The following WARS2 variants were observed in gnomAD, a reference collection of about 807,000 sequenced individuals.
WARS2 encodes tryptophan--tRNA ligase, mitochondrial.
A neutral mutation model predicts 36.5 loss-of-function variants in WARS2; 28 were observed. That is an observed-to-expected ratio of 0.77 (90% CI 0.57 to 1.05). The LOEUF is 1.05. WARS2 is among the 50% of genes least tolerant of loss of function. WARS2 has a pLI of 0.00. For synonymous variants in WARS2, 174 were observed against 178.4 expected (o/e 0.98, Z 0.20); for missense variants, 435 against 456.8 (o/e 0.95, Z 0.44).
At chr1:119,084,502 C>A (rs12064114) in intron 1 of WARS2, among the ~76,000 whole-genome samples, 3,253 of 151,990 alleles carry the variant, frequency 0.021, 102 homozygotes, top group African/African-American at 0.071. Context: ...TGGAAAGAGG[C>A]CAATCAAACA....
intron 1 of WARS2, among the ~76,000 whole-genome samples, chr1:119,111,073 T>A (rs1654598058): frequency 6.6e-6 from 1 of 152,188 alleles, no homozygotes; most frequent in African/African-American, 2.4e-5. Context: ...CTTAACATAT[T>A]AATCATAGTC....
Position 119,057,064 on chromosome 1 carries a change from A to G in WARS2, c.349-11402T>C, listed in dbSNP as rs181384149. ...CAGTATCTTTAAGTTTGGTCATCCAAGTGGGTGAACTGGTATCTTACTATG... is the reference window on the plus strand; with the variant it reads ...CAGTATCTTTAAGTTTGGTCATCCAGGTGGGTGAACTGGTATCTTACTATG... On this transcript the variant is annotated intron_variant, in intron 2 of 5. Coordinates refer to ENST00000235521, the MANE Select transcript of WARS2 (RefSeq NM_015836.4). 2.2e-4 allele frequency among the ~76,000 whole-genome samples: 34 copies of G among 152,296 alleles called. No homozygotes were observed. In the East Asian group the frequency reaches 2.5e-3, roughly 11 times the overall value.
chr1:119,085,597 C>A (rs587677324), intron 1 of WARS2: 1 of 1,538,506 alleles, frequency 6.5e-7, no homozygotes, highest in African/African-American at 1.4e-5. Flanking sequence ...TCTTCTGAGT[C>A]CTTAGGAACG....
At chr1:119,045,161 A>T (rs575424675) in intron 3 of WARS2, among the ~76,000 whole-genome samples, 1 of 152,338 alleles carries the variant, frequency 6.6e-6, no homozygotes, top group South Asian at 2.1e-4. Context: ...CCTGGACTCA[A>T]CTTGTTTAAA....
At chr1:119,053,579 G>A (rs1649540927) in intron 2 of WARS2, among the ~76,000 whole-genome samples, 1 of 151,946 alleles carries the variant, frequency 6.6e-6, no homozygotes, top group Admixed American at 6.6e-5. Flanking sequence ...ATATTTGATA[G>A]CCCCAGGAAC....
At chr1:119,043,769 G>C (rs66820633) in intron 3 of WARS2, among the ~76,000 whole-genome samples, 8,488 of 152,294 alleles carry the variant, frequency 0.056, 264 homozygotes, top group South Asian at 0.08. Flanking sequence ...AATGGACCTT[G>C]AAATTACAAG....
intron 3 of WARS2, among the ~76,000 whole-genome samples, chr1:119,043,559 C>G (rs530489619): frequency 6.6e-6 from 1 of 152,268 alleles, no homozygotes; most frequent in Non-Finnish European, 1.5e-5. Context: ...TGCTCTAGGC[C>G]ATTCAAAGGA....
chr1:119,106,520 A>G (rs1654253612), intron 1 of WARS2, among the ~76,000 whole-genome samples: 1 of 152,166 alleles, frequency 6.6e-6, no homozygotes, highest in South Asian at 2.1e-4. Context: ...TACTGTCCCC[A>G]TAATTTTGCC....
chr1:119,085,606 C>T (rs747276433), intron 1 of WARS2: 106 of 1,513,590 alleles, frequency 7.0e-5, no homozygotes, highest in Non-Finnish European at 8.4e-5. Flanking sequence ...TCCTTAGGAA[C>T]GCAATAGTTA....
intron 1 of WARS2, among the ~76,000 whole-genome samples, chr1:119,121,748 A>G (rs587761227): frequency 6.6e-6 from 1 of 152,334 alleles, no homozygotes; most frequent in South Asian, 2.1e-4. Context: ...TAATACTTAC[A>G]GCCAACTGAT....
chr1:119,117,825 CA>C (rs1404697848), intron 1 of WARS2, among the ~76,000 whole-genome samples: 4 of 152,104 alleles, frequency 2.6e-5, no homozygotes, highest in African/African-American at 9.7e-5. Context: ...CCCAGAAAAG[CA>C]ATAACAATAA....
At chr1:119,092,002 G>C (rs976358352) in intron 1 of WARS2, among the ~76,000 whole-genome samples, 1 of 152,206 alleles carries the variant, frequency 6.6e-6, no homozygotes. Flanking sequence ...AACAAAAGCA[G>C]TTCCCATAAA....
intron 1 of WARS2, among the ~76,000 whole-genome samples, chr1:119,098,456 A>G (rs1571354354): frequency 6.6e-6 from 1 of 152,182 alleles, no homozygotes; most frequent in East Asian, 1.9e-4. Context: ...TTTTCTTTTG[A>G]GACAGAGTTT....
At chr1:119,069,623 T>A (rs1275188091) in intron 2 of WARS2, among the ~76,000 whole-genome samples, 1 of 152,206 alleles carries the variant, frequency 6.6e-6, no homozygotes, top group Non-Finnish European at 1.5e-5. Context: ...AAGGTCTGCA[T>A]AACTGAGTGG....
At chr1:119,125,665 C>T (rs1480878498) in intron 1 of WARS2, among the ~76,000 whole-genome samples, 1 of 152,172 alleles carries the variant, frequency 6.6e-6, no homozygotes, top group Non-Finnish European at 1.5e-5. Context: ...AAAAATTTTA[C>T]ATGACTACAT....
chr1:119,082,738 G>A (rs1652297853), intron 1 of WARS2, among the ~76,000 whole-genome samples: 1 of 152,126 alleles, frequency 6.6e-6, no homozygotes, highest in Non-Finnish European at 1.5e-5. Flanking sequence ...TGGCACAGCT[G>A]GAGCCACAAT....
At chr1:119,119,081 C>T (rs1222513443) in intron 1 of WARS2, among the ~76,000 whole-genome samples, 1 of 152,032 alleles carries the variant, frequency 6.6e-6, no homozygotes, top group Admixed American at 6.6e-5. Flanking sequence ...CATCTCAATA[C>T]TAATGTTGAA....
intron 2 of WARS2, among the ~76,000 whole-genome samples, chr1:119,054,777 C>A (rs1649635817): frequency 6.6e-6 from 1 of 152,078 alleles, no homozygotes; most frequent in Non-Finnish European, 1.5e-5. Context: ...GGACATTATA[C>A]TAAATGAAAT....
At chr1:119,102,901 C>G (rs1653974187) in intron 1 of WARS2, among the ~76,000 whole-genome samples, 2 of 152,202 alleles carry the variant, frequency 1.3e-5, no homozygotes, top group South Asian at 4.1e-4. Context: ...CTATAAAACA[C>G]TCCCCTCTCA....
Sources: allele counts gnomAD v4.1 joint callset (sites outside exome capture counted in the v4.1 genomes callset), GRCh38; gene constraint gnomAD v4.1.1; transcripts MANE v1.5; gene names NCBI Gene and HGNC (gene_info 2026-07-23, HGNC 2026-07-21).